GFI1B: variants seen among roughly 807,000 people sequenced by gnomAD.
The protein encoded by GFI1B is zinc finger protein Gfi-1b.
Under a neutral mutation model 35.3 loss-of-function variants are expected in GFI1B, and 20 were observed. The observed-to-expected ratio is 0.57, with a 90% CI of 0.40 to 0.82. The LOEUF (loss-of-function observed/expected upper bound fraction) is 0.82. Among genes scored for constraint, GFI1B ranks in the 40% least tolerant of loss-of-function variants. The pLI is 0.00. For missense variants in GFI1B, 430 were observed against 446.3 expected (o/e 0.96, Z 0.33); for synonymous variants, 178 against 177.6 (o/e 1.00, Z -0.02).
Position 132,989,512 on chromosome 9 carries a change from AT to A in GFI1B, c.649-227del, listed in dbSNP as rs1849207720. Reference sequence around the variant, plus strand: ...TCAGTCCATCAGTCAATCAACGAACATTTATTGAGGTTTATTTTGAGCGGGA... The same window carrying A: ...TCAGTCCATCAGTCAATCAACGAACATTATTGAGGTTTATTTTGAGCGGGA... On this transcript the variant is annotated intron_variant, in intron 5 of 6. Coordinates refer to ENST00000372122, the MANE Select transcript of GFI1B (RefSeq NM_001377304.1). This position sits in a 1 kb window ranked among gnomAD's most constrained non-coding sequence, Gnocchi z 6.2. 1 of 602,376 alleles carries A rather than the reference AT, an allele frequency of 1.7e-6. No individual in the cohort carries two copies. Among genetic ancestry groups the A allele is most frequent in the African/African-American group, 1.9e-5 (1 of 53,998 alleles). The allele number at this position is 602,376 out of a possible 1,614,324, so 37.3% of individuals were successfully genotyped here. A position where few individuals can be genotyped will look rare whatever the true frequency, so the allele number is the denominator to read the frequency against.
At chr9:132,971,878 G>T (rs1327161054) in intron 1 of GFI1B, among the ~76,000 whole-genome samples, 1 of 151,734 alleles carries the variant, frequency 6.6e-6, no homozygotes, top group Non-Finnish European at 1.5e-5. Context: ...GGAGGCGAAG[G>T]CAGGAGAATC....
At chr9:132,959,357 A>G (rs1483744904) in intron 1 of GFI1B, among the ~76,000 whole-genome samples, 2 of 152,114 alleles carry the variant, frequency 1.3e-5, no homozygotes, top group Non-Finnish European at 2.9e-5. Context: ...CCCTCCTGCC[A>G]TGATTGTAAG....
intron 1 of GFI1B, among the ~76,000 whole-genome samples, chr9:132,947,957 C>T (rs1206297603): frequency 6.6e-6 from 1 of 152,128 alleles, no homozygotes; most frequent in African/African-American, 2.4e-5. Flanking sequence ...GAAGTATGGC[C>T]GCTGGGATTG....
Position 132,958,177 on chromosome 9 carries a change from A to T in GFI1B, c.-701+12508A>T, listed in dbSNP as rs150770489. Among the ~76,000 whole-genome samples the T allele has an allele frequency of 6.5e-3, 983 of 152,108 alleles. 17 individuals carry two copies. Among genetic ancestry groups the T allele is most frequent in the African/African-American group, 0.022 (908 of 41,496 alleles). ...AATGGGGCCAGGCCAGAAGGCAGGG[A>T]GGGGCTGTTTAGAAACAGGATGCAG... On this transcript the variant is annotated intron_variant, in intron 1 of 10. Transcript: ENST00000339463.
At chr9:132,992,239 A>G (rs912809507), downstream of GFI1B, among the ~76,000 whole-genome samples, 3 of 152,154 alleles carry the variant, frequency 2.0e-5, no homozygotes, top group Non-Finnish European at 4.4e-5. Flanking sequence ...CCTCTCTCTT[A>G]TAAAGACCCT....
At chr9:132,982,984 C>T (rs746609614) in intron 1 of GFI1B, among the ~76,000 whole-genome samples, 8 of 152,202 alleles carry the variant, frequency 5.3e-5, no homozygotes, top group South Asian at 2.1e-4. Flanking sequence ...GGCTCATGAG[C>T]GCTAGAAAGT....
intron 1 of GFI1B, among the ~76,000 whole-genome samples, chr9:132,986,381 G>T (rs1849061078): frequency 6.6e-6 from 1 of 152,092 alleles, no homozygotes; most frequent in African/African-American, 2.4e-5. Flanking sequence ...GGGTGTCTGT[G>T]TCTCTGGGTC....
chr9:132,985,326 G>A (rs1243372593), intron 1 of GFI1B, among the ~76,000 whole-genome samples: 2 of 152,176 alleles, frequency 1.3e-5, no homozygotes, highest in African/African-American at 2.4e-5. Context: ...GACTCTGCCT[G>A]GGATGGTCCC....
intron 1 of GFI1B, among the ~76,000 whole-genome samples, chr9:132,958,127 G>A (rs1484872582): frequency 1.3e-5 from 2 of 152,016 alleles, no homozygotes; most frequent in African/African-American, 4.8e-5. Context: ...ATTTTAATTG[G>A]GTCGACATCT....
intron 1 of GFI1B, among the ~76,000 whole-genome samples, chr9:132,947,535 G>A (rs1165731308): frequency 6.6e-6 from 1 of 151,982 alleles, no homozygotes; most frequent in Non-Finnish European, 1.5e-5. Flanking sequence ...GTGGCCTGGC[G>A]CAGTAGCTCA....
chr9:132,988,572 C>A, intron 4 of GFI1B, 104 bp downstream of exon 4: 1 of 1,076,352 alleles, frequency 9.3e-7, no homozygotes, highest in Non-Finnish European at 1.4e-6. Context: ...TGTTGGGGCT[C>A]TGGTGGGATT....
intron 1 of GFI1B, chr9:132,953,611 A>G: frequency 6.7e-6 from 1 of 149,904 alleles, no homozygotes; most frequent in East Asian, 2.0e-4. Flanking sequence ...CTGACATGGC[A>G]CCACTGTACT....
At chr9:132,982,533 G>A (rs60498728) in intron 1 of GFI1B, among the ~76,000 whole-genome samples, 3,639 of 152,280 alleles carry the variant, frequency 0.024, 51 homozygotes, top group Middle Eastern at 0.078. Context: ...ATAACAGTGA[G>A]CCTCTTTCCG....
At chr9:132,963,104 A>T (rs1848393251) in intron 1 of GFI1B, among the ~76,000 whole-genome samples, 2 of 150,292 alleles carry the variant, frequency 1.3e-5, no homozygotes, top group South Asian at 2.1e-4. Context: ...AAAAAAAAAA[A>T]GGAATCTATT....
At chr9:132,990,357 A>G (rs1849251959) in intron 6 of GFI1B, among the ~76,000 whole-genome samples, 1 of 149,558 alleles carries the variant, frequency 6.7e-6, no homozygotes, top group Non-Finnish European at 1.5e-5. Context: ...TCATTTGCTC[A>G]TTCATTTGTT....
At chr9:132,967,704 A>G (rs184175214) in intron 1 of GFI1B, among the ~76,000 whole-genome samples, 1 of 152,334 alleles carries the variant, frequency 6.6e-6, no homozygotes, top group East Asian at 1.9e-4. Context: ...ATGCTCCAGT[A>G]TGGGTGAAGT....
At chr9:132,957,863 G>A (rs1047314974) in intron 1 of GFI1B, among the ~76,000 whole-genome samples, 1 of 152,140 alleles carries the variant, frequency 6.6e-6, no homozygotes, top group Non-Finnish European at 1.5e-5. Context: ...AAATACTAAT[G>A]TCAGCCAACA....
chr9:132,988,548 C>G (rs983160618), intron 4 of GFI1B, 80 bp downstream of exon 4: 2 of 1,312,360 alleles, frequency 1.5e-6, no homozygotes. Context: ...TCTGGGCGTT[C>G]TCTGTGCTGT....
intron 1 of GFI1B, among the ~76,000 whole-genome samples, chr9:132,955,007 G>A (rs1175648549): frequency 2.0e-5 from 3 of 152,116 alleles, no homozygotes; most frequent in African/African-American, 7.2e-5. Context: ...ATCAGCCACT[G>A]TACCTGGCCA....
Sources: gnomAD v4.1 joint callset for allele counts (sites outside exome capture counted in the v4.1 genomes callset) on GRCh38, gnomAD v4.1.1 for gene constraint, Gnocchi (gnomAD v3.1) non-coding constraint, MANE v1.5 for transcripts, NCBI Gene and HGNC (gene_info 2026-07-23, HGNC 2026-07-21) for gene names.